Variants in ARSG observed in about 807,000 individuals in gnomAD.
The protein encoded by ARSG is arylsulfatase G, also known as ASG.
Under a neutral mutation model 50.5 loss-of-function variants are expected in ARSG, and 37 were observed. The ratio of observed to expected loss-of-function variants is 0.73; its 90% CI spans 0.56 to 0.96. ARSG has a LOEUF of 0.96. Ranked by LOEUF, ARSG falls within the 50% of genes least tolerant of loss-of-function variation. The pLI is 0.00. For synonymous variants in ARSG, 225 were observed against 254.6 expected, an observed-to-expected ratio of 0.88 and a Z score of 1.11; for missense variants, 629 against 675.3, an observed-to-expected ratio of 0.93 and a Z score of 0.76.
chr17:68,444,420 G>T, the ARSG span: 1 of 1,414,268 alleles, frequency 7.1e-7, no homozygotes, highest in African/African-American at 1.4e-5. Flanking sequence ...GCAATTTGGA[G>T]GAAAATAAAG....
At chr17:68,387,512 T>C (rs1019609147) in intron 9 of ARSG, among the ~76,000 whole-genome samples, 2 of 152,214 alleles carry the variant, frequency 1.3e-5, no homozygotes, top group African/African-American at 4.8e-5. Flanking sequence ...CTGTTTCCCA[T>C]ATGAATCCAT....
At chr17:68,421,261 AT>A (rs3833120), downstream of ARSG, 58,588 of 156,056 alleles carry the variant, frequency 0.38, 12,519 homozygotes, top group Admixed American at 0.52. Flanking sequence ...AAACAAAAAA[AT>A]ATATAAAAAC....
intron 8 of ARSG, among the ~76,000 whole-genome samples, chr17:68,373,634 C>T (rs1017541877): frequency 7.9e-5 from 12 of 152,242 alleles, no homozygotes; most frequent in African/African-American, 2.6e-4. Context: ...AAATTTGAGT[C>T]GGGGTCAGGA....
the ARSG span, chr17:68,433,546 C>G: frequency 6.2e-7 from 1 of 1,613,952 alleles, no homozygotes; most frequent in Non-Finnish European, 8.5e-7. Context: ...TGAATCCATA[C>G]TGAACACTAG....
intron 2 of ARSG, among the ~76,000 whole-genome samples, chr17:68,343,266 C>T (rs1398250414): frequency 1.3e-5 from 2 of 152,158 alleles, no homozygotes; most frequent in African/African-American, 4.8e-5. Flanking sequence ...AAGCAATTCT[C>T]CTGTCTCAGC....
Position 68,411,296 on chromosome 17 carries a change from T to G in ARSG, c.1304-8893T>G, listed in dbSNP as rs576748999. On this transcript the variant is annotated intron_variant, in intron 11 of 11. Coordinates refer to ENST00000621439, the MANE Select transcript of ARSG (RefSeq NM_001267727.2). ...ATTTCCCTCTACACACTGCTTTGAA[T>G]GCATCCCAGAGATTCTGGTATGTTG... 1.7e-3 allele frequency among the ~76,000 whole-genome samples: 266 copies of G among 152,360 alleles called. 3 individuals carry two copies. Among genetic ancestry groups the G allele is most frequent in the African/African-American group, 6.0e-3 (248 of 41,588 alleles).
At chr17:68,397,412 C>T (rs2081292650) in intron 10 of ARSG, among the ~76,000 whole-genome samples, 1 of 152,130 alleles carries the variant, frequency 6.6e-6, no homozygotes, top group Non-Finnish European at 1.5e-5. Context: ...ACTCAGTCTC[C>T]CAGAGCATGC....
At chr17:68,287,829 T>C (rs2075874820), upstream of ARSG, among the ~76,000 whole-genome samples, 1 of 152,182 alleles carries the variant, frequency 6.6e-6, no homozygotes, top group Admixed American at 6.5e-5. Context: ...AGTAAAGTCA[T>C]GCACAGGTCT....
At chr17:68,395,935 G>A (rs1173558463) in intron 10 of ARSG, among the ~76,000 whole-genome samples, 1 of 151,950 alleles carries the variant, frequency 6.6e-6, no homozygotes, top group African/African-American at 2.4e-5. Context: ...TGGACAGCAG[G>A]TCCAGCAAGG....
intron 11 of ARSG, among the ~76,000 whole-genome samples, chr17:68,417,584 G>C (rs1268992960): frequency 1.3e-5 from 2 of 151,848 alleles, no homozygotes; most frequent in South Asian, 2.1e-4. Context: ...CCCTACTCCT[G>C]GCACTGGTTC....
chr17:68,413,124 CAA>C (rs2082112628), intron 11 of ARSG, among the ~76,000 whole-genome samples: 1 of 152,174 alleles, frequency 6.6e-6, no homozygotes, highest in Admixed American at 6.5e-5. Flanking sequence ...CTCAGCTCGT[CAA>C]AGTTATTCTC....
chr17:68,320,692 G>A (rs2077248690), intron 2 of ARSG, among the ~76,000 whole-genome samples: 1 of 152,130 alleles, frequency 6.6e-6, no homozygotes, highest in African/African-American at 2.4e-5. Flanking sequence ...GATCCTGAAT[G>A]ACTGAAGTCA....
At position 68,420,546 on chromosome 17, in the gene ARSG, AAC is replaced by A. The variant is rs1216298755; in HGVS notation, c.*88_*89del. 1.5e-5 allele frequency: 22 copies of A among 1,455,396 alleles called. No homozygotes were observed. The African/African-American group carries it at 3.1e-4, about 20-fold the overall frequency. The allele number at this position is 1,455,396 out of a possible 1,614,324, so 90.2% of individuals were successfully genotyped here. A position where few individuals can be genotyped will look rare whatever the true frequency, so the allele number is the denominator to read the frequency against. ...AAATTTCATTTTTACCCTCTTTACA[AAC>A]ACACGCTTTAGTTTAGTCTTGGAGT... On this transcript the variant is annotated 3_prime_UTR_variant, in exon 12 of 12. Coordinates refer to ENST00000621439, the MANE Select transcript of ARSG (RefSeq NM_001267727.2).
At chr17:68,291,841 G>A (rs559847163) in intron 1 of ARSG, among the ~76,000 whole-genome samples, 41 of 151,748 alleles carry the variant, frequency 2.7e-4, no homozygotes, top group African/African-American at 9.4e-4. Flanking sequence ...AGTCCCGCCC[G>A]CGCCCTGAGG....
At chr17:68,451,047 T>G in the ARSG span, 1 of 1,102,632 alleles carries the variant, frequency 9.1e-7, no homozygotes, top group East Asian at 2.8e-5. Context: ...GCATTGACAG[T>G]GATCCACCAT....
intron 10 of ARSG, 43 bp downstream of exon 10, chr17:68,395,236 G>A (rs199740151): frequency 6.2e-7 from 1 of 1,607,948 alleles, no homozygotes; most frequent in Non-Finnish European, 8.5e-7. Context: ...CTCTTTAGGA[G>A]GCTGGTCTGC....
intron 2 of ARSG, among the ~76,000 whole-genome samples, chr17:68,313,680 TCTC>T (rs1555767513): frequency 1.4e-5 from 1 of 72,998 alleles, no homozygotes; most frequent in Non-Finnish European, 2.9e-5. Context: ...TCTCTCTCTC[TCTC>T]TTTTTTTTTT....
At chr17:68,427,337 A>G (rs1168291714), downstream of ARSG, 2 of 1,041,112 alleles carry the variant, frequency 1.9e-6, no homozygotes, top group African/African-American at 3.2e-5. Context: ...AGCATGAAGA[A>G]GCCTGTGCTC....
chr17:68,269,968 C>T (rs1308774914), intron 1 of ARSG, among the ~76,000 whole-genome samples: 5 of 152,084 alleles, frequency 3.3e-5, no homozygotes, highest in African/African-American at 7.2e-5. Flanking sequence ...CCACTGCGCC[C>T]GGCCCGTTTT....
Sources: allele counts gnomAD v4.1 joint callset (sites outside exome capture counted in the v4.1 genomes callset), GRCh38; gene constraint gnomAD v4.1.1; transcripts MANE v1.5; gene names NCBI Gene and HGNC (gene_info 2026-07-23, HGNC 2026-07-21).